The following MCU variants were observed in gnomAD, a reference collection of about 807,000 sequenced individuals.
The protein encoded by MCU is mitochondrial calcium uniporter.
MCU carries 12 observed loss-of-function variants against 45.2 expected under a neutral mutation model. The observed-to-expected ratio is 0.27, with a 90% CI of 0.17 to 0.43. The LOEUF is 0.43. Among genes scored for constraint, MCU ranks in the 20% least tolerant of loss-of-function variants. The pLI is 1.00. For synonymous variants in MCU, 160 were observed against 165.1 expected, an observed-to-expected ratio of 0.97 and a Z score of 0.24; for missense variants, 324 against 436.7, an observed-to-expected ratio of 0.74 and a Z score of 2.30.
At chr10:72,858,470 A>ATCAG (rs1377667494) in intron 2 of MCU, among the ~76,000 whole-genome samples, 1 of 152,178 alleles carries the variant, frequency 6.6e-6, no homozygotes, top group Non-Finnish European at 1.5e-5. Flanking sequence ...ATTGGTTGAT[A>ATCAG]TCAGTGGTGG....
chr10:72,822,009 C>G (rs1844719033), intron 1 of MCU, among the ~76,000 whole-genome samples: 1 of 152,224 alleles, frequency 6.6e-6, no homozygotes, highest in Middle Eastern at 3.2e-3. Flanking sequence ...GACGTGGTGG[C>G]TCACGCCTGT....
intron 1 of MCU, among the ~76,000 whole-genome samples, chr10:72,788,031 G>C (rs1310076776): frequency 6.6e-6 from 1 of 152,086 alleles, no homozygotes; most frequent in East Asian, 1.9e-4. Context: ...ATTAGTTACT[G>C]TCTTCACAAT....
At chr10:72,843,720 C>G (rs112470613) in intron 2 of MCU, among the ~76,000 whole-genome samples, 4 of 152,298 alleles carry the variant, frequency 2.6e-5, no homozygotes, top group African/African-American at 9.6e-5. Context: ...ACCAAACCGT[C>G]TACCAAAGTG....
chr10:72,722,552 A>G (rs1200040605), intron 1 of MCU, among the ~76,000 whole-genome samples: 1 of 149,358 alleles, frequency 6.7e-6, no homozygotes, highest in Non-Finnish European at 1.5e-5. Context: ...AACTATTTTT[A>G]CAAGCAAAAT....
intron 1 of MCU, among the ~76,000 whole-genome samples, chr10:72,734,172 G>A (rs2132688328): frequency 6.6e-6 from 1 of 152,238 alleles, no homozygotes; most frequent in African/African-American, 2.4e-5. Flanking sequence ...CTTGAGGCCA[G>A]GAGTTTGAGG....
At chr10:72,736,798 A>AT (rs368370156) in intron 1 of MCU, among the ~76,000 whole-genome samples, 2 of 152,132 alleles carry the variant, frequency 1.3e-5, no homozygotes, top group African/African-American at 2.4e-5. Context: ...CCTTTTGATG[A>AT]TTTTTTAGGC....
chr10:72,718,114 A>G (rs1842976584), intron 1 of MCU, among the ~76,000 whole-genome samples: 1 of 152,102 alleles, frequency 6.6e-6, no homozygotes, highest in African/African-American at 2.4e-5. Flanking sequence ...AGGAATTTTT[A>G]TTAGCATGTT....
intron 4 of MCU, among the ~76,000 whole-genome samples, chr10:72,863,917 ATT>A (rs1017724347): frequency 6.6e-6 from 1 of 152,090 alleles, no homozygotes; most frequent in African/African-American, 2.4e-5. Context: ...TGCCCTTCCT[ATT>A]TTCTATCGTT....
At chr10:72,880,747 T>C (rs936400330) in intron 6 of MCU, among the ~76,000 whole-genome samples, 3 of 152,212 alleles carry the variant, frequency 2.0e-5, no homozygotes, top group Non-Finnish European at 4.4e-5. Context: ...GCTTTAGTTA[T>C]AACACTTCAA....
intron 1 of MCU, among the ~76,000 whole-genome samples, chr10:72,757,986 A>G (rs1843602878): frequency 6.6e-6 from 1 of 152,218 alleles, no homozygotes; most frequent in Admixed American, 6.5e-5. Context: ...AAGTGACAAG[A>G]CAAAGAAAAG....
chr10:72,770,840 A>G (rs1589452039), intron 1 of MCU, among the ~76,000 whole-genome samples: 1 of 152,188 alleles, frequency 6.6e-6, no homozygotes, highest in Non-Finnish European at 1.5e-5. Flanking sequence ...TAAATAGTTA[A>G]TATAGAAATA....
intron 1 of MCU, among the ~76,000 whole-genome samples, chr10:72,806,298 C>T (rs1691670785): frequency 6.6e-6 from 1 of 151,958 alleles, no homozygotes; most frequent in Admixed American, 6.6e-5. Flanking sequence ...GCTGGGATTA[C>T]AGGCATGCAC....
chr10:72,743,622 C>T (rs1280065993), intron 1 of MCU, among the ~76,000 whole-genome samples: 3 of 151,960 alleles, frequency 2.0e-5, no homozygotes, highest in African/African-American at 7.3e-5. Flanking sequence ...GTTTCTACTT[C>T]TAGAAGCTTG....
intron 1 of MCU, among the ~76,000 whole-genome samples, chr10:72,733,535 C>G (rs1344313880): frequency 6.6e-6 from 1 of 152,046 alleles, no homozygotes; most frequent in Non-Finnish European, 1.5e-5. Context: ...CCAGCTTGGG[C>G]AGCACAGCCA....
intron 5 of MCU, among the ~76,000 whole-genome samples, chr10:72,869,339 C>T (rs2132882591): frequency 6.6e-6 from 1 of 152,372 alleles, no homozygotes; most frequent in Middle Eastern, 3.4e-3. Context: ...AATCCCAACA[C>T]TTTGGGAGGC....
intron 1 of MCU, chr10:72,693,111 G>A (rs758713110): frequency 3.9e-6 from 6 of 1,527,820 alleles, no homozygotes; most frequent in Non-Finnish European, 5.3e-6. Context: ...GTATTAACCA[G>A]TTGTTGCTGG....
At chr10:72,748,676 G>A (rs1026903391) in intron 1 of MCU, among the ~76,000 whole-genome samples, 75 of 151,778 alleles carry the variant, frequency 4.9e-4, no homozygotes, top group African/African-American at 1.8e-3. Context: ...TTAAAAAGGA[G>A]ATATAAGGAG....
chr10:72,810,808 T>C (rs367999484), intron 1 of MCU, among the ~76,000 whole-genome samples: 1 of 152,136 alleles, frequency 6.6e-6, no homozygotes, highest in African/African-American at 2.4e-5. Flanking sequence ...GTTGCCTTTT[T>C]CTCATAGGCC....
chr10:72,737,927 T>C (rs1843273841), intron 1 of MCU, among the ~76,000 whole-genome samples: 1 of 152,190 alleles, frequency 6.6e-6, no homozygotes, highest in African/African-American at 2.4e-5. Context: ...TCCGTATTCT[T>C]TCTGCTTTTA....
Sources: allele counts gnomAD v4.1 joint callset (sites outside exome capture counted in the v4.1 genomes callset), GRCh38; gene constraint gnomAD v4.1.1; transcripts MANE v1.5; gene names NCBI Gene and HGNC (gene_info 2026-07-23, HGNC 2026-07-21).